Variants in DLG2 observed in about 807,000 individuals in gnomAD.
DLG2 encodes the protein disks large homolog 2.
A neutral mutation model predicts 132.5 loss-of-function variants in DLG2; 45 were observed. That is an observed-to-expected ratio of 0.34 (90% CI 0.27 to 0.44). The LOEUF (loss-of-function observed/expected upper bound fraction) is 0.44, where lower values mean the gene tolerates loss of function less well. Ranked by LOEUF, DLG2 falls within the 20% of genes least tolerant of loss-of-function variation. The pLI, the probability that DLG2 is intolerant of heterozygous loss-of-function variation, is 1.00. For synonymous variants in DLG2, 424 were observed against 419.6 expected, an observed-to-expected ratio of 1.01 and a Z score of -0.13; for missense variants, 1,045 against 1,196.9, an observed-to-expected ratio of 0.87 and a Z score of 1.87.
intron 4 of DLG2, among the ~76,000 whole-genome samples, chr11:85,164,003 C>T (rs1374343331): frequency 2.0e-5 from 3 of 152,206 alleles, no homozygotes; most frequent in Admixed American, 6.5e-5. Flanking sequence ...GCTTATTTAG[C>T]ATTCTGAGCT....
At chr11:83,982,055 G>A (rs1251685401) in intron 11 of DLG2, among the ~76,000 whole-genome samples, 1 of 152,166 alleles carries the variant, frequency 6.6e-6, no homozygotes, top group East Asian at 1.9e-4. Context: ...TAAGGTGTTT[G>A]TGGTGATGCA....
intron 3 of DLG2, among the ~76,000 whole-genome samples, chr11:85,505,897 A>G (rs1339560434): frequency 1.3e-5 from 2 of 152,072 alleles, no homozygotes; most frequent in African/African-American, 4.8e-5. Flanking sequence ...CAATATCAGA[A>G]CCTGTTTTTG....
At chr11:83,567,159 G>A (rs1203801736) in intron 19 of DLG2, among the ~76,000 whole-genome samples, 1 of 152,112 alleles carries the variant, frequency 6.6e-6, no homozygotes, top group Admixed American at 6.5e-5. Context: ...GGAGTAATCA[G>A]GGATGACAAA....
chr11:83,851,852 G>T (rs12808938), intron 16 of DLG2, among the ~76,000 whole-genome samples: 19,986 of 151,868 alleles, frequency 0.13, 1,519 homozygotes, highest in East Asian at 0.35. Context: ...CCAGGAGGCG[G>T]AGATTGCAGT....
intron 3 of DLG2, among the ~76,000 whole-genome samples, chr11:85,376,554 T>C (rs1043739736): frequency 1.3e-5 from 2 of 152,140 alleles, no homozygotes; most frequent in African/African-American, 4.8e-5. Flanking sequence ...TTCAGTATAG[T>C]AAAAAACTTT....
At chr11:84,066,565 G>C (rs965910505) in intron 10 of DLG2, among the ~76,000 whole-genome samples, 2 of 152,142 alleles carry the variant, frequency 1.3e-5, no homozygotes, top group African/African-American at 4.8e-5. Context: ...TTCGAGACCA[G>C]CCTGGCCAAC....
At chr11:83,594,288 T>A (rs2097247922) in intron 19 of DLG2, among the ~76,000 whole-genome samples, 1 of 152,222 alleles carries the variant, frequency 6.6e-6, no homozygotes, top group Admixed American at 6.5e-5. Flanking sequence ...AGTGACTGTG[T>A]GGAGCAGAGC....
chr11:83,590,412 G>A (rs1221685055), intron 19 of DLG2, among the ~76,000 whole-genome samples: 1 of 152,024 alleles, frequency 6.6e-6, no homozygotes, highest in African/African-American at 2.4e-5. Flanking sequence ...ACGAAATGAA[G>A]GCAGAAATAA....
intron 11 of DLG2, among the ~76,000 whole-genome samples, chr11:83,982,344 T>C (rs1480383804): frequency 6.6e-6 from 1 of 152,028 alleles, no homozygotes; most frequent in African/African-American, 2.4e-5. Context: ...ACATTTTACA[T>C]GTTATTGCTC....
At chr11:85,538,603 A>G (rs1325847406) in intron 3 of DLG2, among the ~76,000 whole-genome samples, 1 of 151,988 alleles carries the variant, frequency 6.6e-6, no homozygotes, top group African/African-American at 2.4e-5. Context: ...ATGCCCATCA[A>G]TGATAAACTG....
At position 84,506,079 on chromosome 11, in the gene DLG2, C is replaced by CTTTTTTTTTTTTTTTTTTT. The variant is rs779039240; in HGVS notation, c.519+28490_519+28491insAAAAAAAAAAAAAAAAAAA. ...CTAATGTTATGACAGAGGCTCAGTT[C>CTTTTTTTTTTTTTTTTTTT]TTTTTTTTTTTTTTGAGACGGAGTC... On this transcript the variant is annotated intron_variant, in intron 7 of 27. Coordinates refer to ENST00000376104, the MANE Select transcript of DLG2 (RefSeq NM_001142699.3). 6.6e-3 allele frequency among the ~76,000 whole-genome samples: 706 copies of CTTTTTTTTTTTTTTTTTTT among 106,814 alleles called. 113 individuals are homozygous for CTTTTTTTTTTTTTTTTTTT. The highest frequency in any genetic ancestry group is 0.016 in the African/African-American group (307 of 19,676). 70.1% of individuals were successfully genotyped at this position (106,814 alleles called of 152,430 possible). A position where few individuals can be genotyped will look rare whatever the true frequency, so the allele number is the denominator to read the frequency against.
chr11:84,943,535 C>T (rs1396122496), intron 6 of DLG2, among the ~76,000 whole-genome samples: 3 of 152,012 alleles, frequency 2.0e-5, no homozygotes, highest in Non-Finnish European at 4.4e-5. Flanking sequence ...ATGAGGTTTG[C>T]AAATAATGCC....
chr11:85,308,178 A>AATAAAATAAT (rs71036467), intron 3 of DLG2, among the ~76,000 whole-genome samples: 112,223 of 143,488 alleles, frequency 0.78, 44,664 homozygotes, highest in Non-Finnish European at 0.84. Context: ...AATAAAATAA[A>AATAAAATAAT]ATAAAATAAA....
intron 6 of DLG2, among the ~76,000 whole-genome samples, chr11:85,105,757 C>T (rs1046918785): frequency 4.0e-5 from 6 of 151,876 alleles, no homozygotes; most frequent in African/African-American, 7.2e-5. Flanking sequence ...TGTAGTCTTT[C>T]GAAAGACAAC....
intron 14 of DLG2, among the ~76,000 whole-genome samples, chr11:83,932,582 A>G (rs999555784): frequency 6.6e-6 from 1 of 152,216 alleles, no homozygotes; most frequent in African/African-American, 2.4e-5. Context: ...ATATTCTATC[A>G]TATAGTATGT....
At chr11:84,445,289 T>TA (rs1251269585) in intron 7 of DLG2, among the ~76,000 whole-genome samples, 4 of 152,186 alleles carry the variant, frequency 2.6e-5, no homozygotes, top group Non-Finnish European at 5.9e-5. Context: ...TTCTTACAGA[T>TA]AAATACATTT....
chr11:84,157,372 C>T (rs73517705), intron 9 of DLG2, among the ~76,000 whole-genome samples: 147 of 152,228 alleles, frequency 9.7e-4, no homozygotes, highest in African/African-American at 3.5e-3. Flanking sequence ...TTTCCATGGG[C>T]CCATTAACAT....
At chr11:84,928,982 G>GTGTGTGTGTATATATATATATATA (rs1400906684) in intron 6 of DLG2, among the ~76,000 whole-genome samples, 1 of 49,116 alleles carries the variant, frequency 2.0e-5, no homozygotes, top group Non-Finnish European at 3.6e-5. Context: ...GTGTGTGTGT[G>GTGTGTGTGTATATATATATATATA]TATATATATA....
intron 11 of DLG2, among the ~76,000 whole-genome samples, chr11:84,017,071 A>G (rs2154072119): frequency 6.6e-6 from 1 of 152,222 alleles, no homozygotes; most frequent in Non-Finnish European, 1.5e-5. Context: ...CTTCAAGGAA[A>G]AAAAAGGAGA....
Sources: allele counts gnomAD v4.1 joint callset (sites outside exome capture counted in the v4.1 genomes callset), GRCh38; gene constraint gnomAD v4.1.1; transcripts MANE v1.5; gene names NCBI Gene and HGNC (gene_info 2026-07-23, HGNC 2026-07-21).